The following MTA3 variants were observed in gnomAD, a reference collection of about 807,000 sequenced individuals.
MTA3 encodes metastasis-associated protein MTA3.
A neutral mutation model predicts 83.5 loss-of-function variants in MTA3; 34 were observed. The ratio of observed to expected loss-of-function variants is 0.41; its 90% CI spans 0.31 to 0.54. The LOEUF is 0.54. MTA3 is among the 20% of genes least tolerant of loss of function. MTA3 has a pLI of 0.33. For missense variants in MTA3, 761 were observed against 726.4 expected, an observed-to-expected ratio of 1.05 and a Z score of -0.55; for synonymous variants, 303 against 252.7, an observed-to-expected ratio of 1.20 and a Z score of -1.89.
chr2:42,753,952 T>C lies in MTA3; in HGVS notation c.*553T>C. ...TTTTTCTCGATAGGCTTCATCCTTG[T>C]TTTTTTGAAATGGGGGAATTTGCTG... On this transcript the variant is annotated 3_prime_UTR_variant, in exon 17 of 17. Coordinates refer to ENST00000405094, the MANE Select transcript of MTA3 (RefSeq NM_001330442.2). 1.0e-6 allele frequency: 1 copy of C among 985,884 alleles called. No individual in the cohort carries two copies. Among genetic ancestry groups the C allele is most frequent in the Non-Finnish European group, 1.2e-6 (1 of 830,222 alleles). The allele number at this position is 985,884 out of a possible 1,614,324, so 61.1% of individuals were successfully genotyped here. A position where few individuals can be genotyped will look rare whatever the true frequency, so the allele number is the denominator to read the frequency against.
chr2:42,656,405 G>T, intron 7 of MTA3, 103 bp downstream of exon 7: 1 of 604,920 alleles, frequency 1.7e-6, no homozygotes, highest in African/African-American at 1.9e-5. Flanking sequence ...TTCTCCCACT[G>T]ATTGTATTAT....
intron 4 of MTA3, 36 bp from the exon 5 acceptor site, chr2:42,640,137 C>T (rs892996056): frequency 6.6e-6 from 10 of 1,514,816 alleles, no homozygotes; most frequent in Non-Finnish European, 7.2e-6. Flanking sequence ...GTGAGGTGGC[C>T]TTTGTTACAT....
At chr2:42,570,646 C>T in intron 2 of MTA3, 142 bp downstream of exon 2, 1 of 457,174 alleles carries the variant, frequency 2.2e-6, no homozygotes, top group Non-Finnish European at 3.9e-6. Flanking sequence ...ATAGCTTGAG[C>T]CCAGGAGTTG....
chr2:42,600,501 ATTT>A (rs11355281), intron 3 of MTA3, among the ~76,000 whole-genome samples: 4 of 139,988 alleles, frequency 2.9e-5, no homozygotes, highest in African/African-American at 2.7e-5. Context: ...CTTTTTATTA[ATTT>A]TTTTTTTTTT....
intron 9 of MTA3, among the ~76,000 whole-genome samples, chr2:42,691,365 C>T (rs924329432): frequency 6.6e-6 from 1 of 152,054 alleles, no homozygotes; most frequent in Non-Finnish European, 1.5e-5. Context: ...CTTAGAACAT[C>T]GTACACACAC....
chr2:42,719,761 T>G (rs1667275495), intron 15 of MTA3, among the ~76,000 whole-genome samples: 1 of 152,200 alleles, frequency 6.6e-6, no homozygotes, highest in Non-Finnish European at 1.5e-5. Context: ...GCCATCTGAC[T>G]TGGAAATCTC....
chr2:42,660,774 A>G (rs1207965413), intron 8 of MTA3, among the ~76,000 whole-genome samples: 4 of 151,888 alleles, frequency 2.6e-5, no homozygotes, highest in Non-Finnish European at 4.4e-5. Context: ...CTTTCTTATC[A>G]TAATGCCAAT....
Position 42,753,563 on chromosome 2 carries a change from G to C in MTA3, c.*164G>C, listed in dbSNP as rs1670039497. On this transcript the variant is annotated 3_prime_UTR_variant, in exon 17 of 17. Coordinates refer to ENST00000405094, the MANE Select transcript of MTA3 (RefSeq NM_001330442.2). ...GGGGCGGGGAAGGAACTGTGGGAGT[G>C]CACGTTCCAAATCCTGTGTCTCCAC... The C allele has an allele frequency of 2.1e-6, 3 of 1,444,594 alleles. No homozygotes were observed. Among genetic ancestry groups the C allele is most frequent in the Admixed American group, 2.5e-5 (1 of 39,834 alleles). 89.5% of individuals were successfully genotyped at this position (1,444,594 alleles called of 1,614,324 possible).
intron 2 of MTA3, among the ~76,000 whole-genome samples, chr2:42,549,592 A>G: frequency 8.4e-6 from 1 of 119,096 alleles, no homozygotes; most frequent in South Asian, 2.2e-4. Flanking sequence ...AATATATTAT[A>G]TACATATACA....
chr2:42,508,903 C>T (rs1022202283), intron 2 of MTA3, among the ~76,000 whole-genome samples: 16 of 147,750 alleles, frequency 1.1e-4, no homozygotes, highest in African/African-American at 3.7e-4. Context: ...TACTATACAA[C>T]ATATAGTATA....
At chr2:42,652,328 C>T (rs1399018882) in intron 6 of MTA3, among the ~76,000 whole-genome samples, 2 of 152,212 alleles carry the variant, frequency 1.3e-5, no homozygotes, top group East Asian at 1.9e-4. Context: ...TTTGCATTTG[C>T]GGTTTACTTC....
chr2:42,519,883 A>C (rs1233867116), intron 2 of MTA3, among the ~76,000 whole-genome samples: 1 of 152,114 alleles, frequency 6.6e-6, no homozygotes, highest in East Asian at 1.9e-4. Context: ...ACCCTGTCTC[A>C]CGTAAACAAT....
At chr2:42,659,679 A>G (rs1164840422) in intron 7 of MTA3, 84 bp from the exon 8 acceptor site, 4 of 1,023,558 alleles carry the variant, frequency 3.9e-6, no homozygotes, top group South Asian at 2.5e-5. Flanking sequence ...TTTATTTACT[A>G]TCCAAATGTG....
At chr2:42,602,826 T>C (rs1682746809) in intron 3 of MTA3, among the ~76,000 whole-genome samples, 1 of 152,110 alleles carries the variant, frequency 6.6e-6, no homozygotes, top group African/African-American at 2.4e-5. Flanking sequence ...AGAGGAGTGT[T>C]CTCTAATTAC....
chr2:42,609,659 C>T, intron 4 of MTA3, 75 bp downstream of exon 4: 2 of 1,469,324 alleles, frequency 1.4e-6, no homozygotes, highest in Non-Finnish European at 1.8e-6. Flanking sequence ...GAAGCGTTTT[C>T]CAGACTCTTC....
At chr2:42,606,342 ACGGGGCAGC>A in intron 3 of MTA3, among the ~76,000 whole-genome samples, 1 of 138,638 alleles carries the variant, frequency 7.2e-6, no homozygotes, top group Non-Finnish European at 1.5e-5. Context: ...CACCTCTCAG[ACGGGGCAGC>A]TGCCGGGCGG....
intron 16 of MTA3, among the ~76,000 whole-genome samples, chr2:42,742,370 C>G (rs1323427973): frequency 6.6e-6 from 1 of 152,082 alleles, no homozygotes; most frequent in Non-Finnish European, 1.5e-5. Context: ...AGTGCCTGAC[C>G]TTAGGTGATC....
chr2:42,722,032 C>A (rs1341118720), intron 15 of MTA3, among the ~76,000 whole-genome samples: 2 of 152,136 alleles, frequency 1.3e-5, no homozygotes, highest in African/African-American at 4.8e-5. Flanking sequence ...AGGGTGATAT[C>A]TCAGCCCTTA....
intron 4 of MTA3, among the ~76,000 whole-genome samples, chr2:42,617,106 G>C (rs1684991089): frequency 6.6e-6 from 1 of 152,160 alleles, no homozygotes; most frequent in Non-Finnish European, 1.5e-5. Flanking sequence ...ATGAGAAAGG[G>C]ATAAATAGGA....
Sources: gnomAD v4.1 joint callset for allele counts (sites outside exome capture counted in the v4.1 genomes callset) on GRCh38, gnomAD v4.1.1 for gene constraint, MANE v1.5 for transcripts, NCBI Gene and HGNC (gene_info 2026-07-23, HGNC 2026-07-21) for gene names.